Variants in ITGA5 observed in about 807,000 individuals in gnomAD.
ITGA5 encodes integrin alpha-5.
Under a neutral mutation model 146.3 loss-of-function variants are expected in ITGA5, and 55 were observed. The ratio of observed to expected loss-of-function variants is 0.38; its 90% CI spans 0.30 to 0.47. The LOEUF is 0.47. Ranked by LOEUF, ITGA5 falls within the 20% of genes least tolerant of loss-of-function variation. The pLI, the probability that ITGA5 is intolerant of heterozygous loss-of-function variation, is 0.99. For missense variants in ITGA5, 1,131 were observed against 1,329.0 expected (o/e 0.85, Z 2.32); for synonymous variants, 500 against 531.8 (o/e 0.94, Z 0.82).
rs762863757 is a variant in ITGA5 at position 54,405,257 on chromosome 12, C to A, written c.1134G>T (p.Thr378=). ...CATGGCCAGTGAGGGTAAGGGTGGG[C>A]GTGGGCTCTATGCCGGCTGGGTGCT... The part of the protein sequence containing the change: ...YLQHPAGIEP[T]PTLTLTGHDE... The change falls in exon 12 of 30, where the codon ACG becomes ACT. Residue 378 remains threonine (T), a synonymous_variant. Transcript: ENST00000293379. 10 of 1,613,912 alleles carry A rather than the reference C, an allele frequency of 6.2e-6. No homozygotes were observed. The highest frequency in any genetic ancestry group is 8.5e-6 in the Non-Finnish European group (10 of 1,179,920).
chr12:54,417,773 G>A (rs1388932383), intron 1 of ITGA5, among the ~76,000 whole-genome samples: 4 of 152,086 alleles, frequency 2.6e-5, no homozygotes, highest in African/African-American at 9.7e-5. Context: ...CAGAGATGTA[G>A]AAGAAAAAGG....
At chr12:54,400,729 C>T in intron 25 of ITGA5, 117 bp downstream of exon 25, 1 of 1,020,604 alleles carries the variant, frequency 9.8e-7, no homozygotes. Context: ...GACCCTCAAC[C>T]CTAGCTATAG....
rs1232293697 is a variant in ITGA5, at chr12:54,416,693, G to A, written c.218+2288C>T. Among the ~76,000 whole-genome samples the A allele has an allele frequency of 2.0e-5, 3 of 152,174 alleles. No individual in the cohort carries two copies. Among genetic ancestry groups the A allele is most frequent in the African/African-American group, 7.2e-5 (3 of 41,426 alleles). ...GTCCTCAGAACTCCGTTAGTCAGGT[G>A]TCTGATTTTCACGGGAAGACCAGGC... On this transcript the variant is annotated intron_variant, in intron 1 of 29. Transcript: ENST00000293379. This position sits in a 1 kb window ranked among gnomAD's most constrained non-coding sequence, Gnocchi z 4.1.
In ITGA5 at chr12:54,399,801, T is replaced by G. The variant is rs1421354762; in HGVS notation, c.2728-43A>C. On this transcript the variant is annotated intron_variant, in intron 26 of 29. Transcript: ENST00000293379. Reference sequence around the variant, plus strand: ...TGAACCTGGTGTTCTGCCCTTGTGATGGCCCTGAGAACCCCAGAGTACTCA... The same window carrying G: ...TGAACCTGGTGTTCTGCCCTTGTGAGGGCCCTGAGAACCCCAGAGTACTCA... 2.5e-6 allele frequency: 4 copies of G among 1,607,094 alleles called. No individual in the cohort carries two copies. The East Asian group carries it at 8.9e-5, about 36-fold the overall frequency.
At chr12:54,415,707 G>A (rs1040902751) in intron 1 of ITGA5, among the ~76,000 whole-genome samples, 11 of 152,190 alleles carry the variant, frequency 7.2e-5, no homozygotes, top group African/African-American at 2.4e-4. Context: ...CAAGGTCAGG[G>A]GTGGAGAGCA....
Position 54,401,099 on chromosome 12 carries a change from T to G in ITGA5, c.2494-104A>C. 2.5e-6 allele frequency: 3 copies of G among 1,198,696 alleles called. No individual in the cohort carries two copies. The highest frequency in any genetic ancestry group is 1.5e-5 in the South Asian group (1 of 67,884). The allele number at this position is 1,198,696 out of a possible 1,614,324, so 74.3% of individuals were successfully genotyped here. A position where few individuals can be genotyped will look rare whatever the true frequency, so the allele number is the denominator to read the frequency against. ...CCACTATACCCTGCTGTCAGGCTCC[T>G]ATCTCAGAGATGAAGCAGGGAAGCA... On this transcript the variant is annotated intron_variant, in intron 24 of 29. Coordinates refer to ENST00000293379, the MANE Select transcript of ITGA5 (RefSeq NM_002205.5). The surrounding 1 kb of genome is among the most constrained non-coding windows in gnomAD (Gnocchi z 5.0).
intron 13 of ITGA5, 104 bp from the exon 14 acceptor site, chr12:54,404,579 A>C: frequency 6.7e-7 from 1 of 1,502,170 alleles, no homozygotes; most frequent in South Asian, 1.1e-5. Context: ...AAGTGAGAAG[A>C]CAGCGCCCTC....
intron 2 of ITGA5, 54 bp downstream of exon 2, chr12:54,411,780 G>GC: frequency 1.0e-6 from 1 of 953,906 alleles, no homozygotes; most frequent in Non-Finnish European, 1.5e-6. Context: ...CCCAGGCCTT[G>GC]CCCCCAGGCT....
intron 26 of ITGA5, 27 bp downstream of exon 26, chr12:54,399,837 C>T (rs1955763857): frequency 6.2e-7 from 1 of 1,610,706 alleles, no homozygotes. Context: ...ACACTTTGGT[C>T]CACACCTCAT....
rs1955917765 is a variant in ITGA5 at position 54,409,785 on chromosome 12, A to C, written c.350-188T>G. On this transcript the variant is annotated intron_variant, in intron 2 of 29. Transcript: ENST00000293379. The surrounding 1 kb of genome is among the most constrained non-coding windows in gnomAD (Gnocchi z 4.7). ...GTAGTCTGTTTGTGTAGCCTGACTT[A>C]TCTCTCCACTACACACATACACATA... The C allele has an allele frequency of 5.2e-6, 3 of 578,040 alleles. No individual in the cohort carries two copies. The highest frequency in any genetic ancestry group is 2.9e-5 in the East Asian group (1 of 34,726). The allele number at this position is 578,040 out of a possible 1,614,324, so 35.8% of individuals were successfully genotyped here. A position where few individuals can be genotyped will look rare whatever the true frequency, so the allele number is the denominator to read the frequency against.
rs775088705 is a variant in ITGA5, at chr12:54,403,205, C to T, written c.1896G>A (p.Lys632=). The T allele has an allele frequency of 6.4e-7, 1 of 1,560,846 alleles. No individual in the cohort carries two copies. The highest frequency in any genetic ancestry group is 8.7e-7 in the Non-Finnish European group (1 of 1,155,072). ...TCCTCACCTTGTCCTCTATCCGGCTCTTGCTCTGATAATGTAGGGCTGGCC... is the reference window on the plus strand; with the variant it reads ...TCCTCACCTTGTCCTCTATCCGGCTTTTGCTCTGATAATGTAGGGCTGGCC... ...GLRPALHYQS[K]SRIEDKAQIL... Residue 632 remains lysine, a synonymous_variant, in exon 18 of 30, where the codon AAG becomes AAA. Coordinates refer to ENST00000293379, the MANE Select transcript of ITGA5 (RefSeq NM_002205.5). This position sits in a 1 kb window ranked among gnomAD's most constrained non-coding sequence, Gnocchi z 4.9.
chr12:54,408,210 C>A lies in ITGA5; in HGVS notation c.717G>T (p.Glu239Asp), dbSNP rs765273691. The A allele has an allele frequency of 2.5e-6, 4 of 1,614,108 alleles. No individual in the cohort carries two copies. The highest frequency in any genetic ancestry group is 2.5e-6 in the Non-Finnish European group (3 of 1,180,022). ...CGGGGTAATAAGATTCTGCAATCTG[C>A]TCCTGAGTGGCAGACAGGATCTGGC... ...WQGQILSATQ[E>D]QIAESYYPEY... Residue 239 changes from glutamate (E) to aspartate (D), a missense_variant, in exon 7 of 30, where the codon GAG becomes GAT. Physicochemically the swap from Glu to Asp is conservative, Grantham distance 45. This residue lies in a region of ITGA5 where 67 missense variants were observed against 128.2 expected (regional missense o/e 0.52). Coordinates refer to ENST00000293379, the MANE Select transcript of ITGA5 (RefSeq NM_002205.5).
chr12:54,405,599 C>T (rs1955855664), intron 11 of ITGA5, 65 bp downstream of exon 11: 2 of 1,412,648 alleles, frequency 1.4e-6, no homozygotes, highest in African/African-American at 1.4e-5. Context: ...ATTTTCTGTC[C>T]CATTCCCACT....
In ITGA5 at chr12:54,405,239, A is replaced by G; in HGVS notation, c.1152T>C (p.Thr384=). 6.2e-7 allele frequency: 1 copy of G among 1,613,588 alleles called. No homozygotes were observed. Among genetic ancestry groups the G allele is most frequent in the East Asian group, 2.2e-5 (1 of 44,870 alleles). The change falls in exon 12 of 30, where the codon ACT becomes ACC. Residue 384 remains threonine, a synonymous_variant. Coordinates refer to ENST00000293379, the MANE Select transcript of ITGA5 (RefSeq NM_002205.5). ...CAAATCGGCCAAACTCATCATGGCC[A>G]GTGAGGGTAAGGGTGGGCGTGGGCT... ...GIEPTPTLTL[T]GHDEFGRFGS... is the part of the protein sequence containing the mutation.
At chr12:54,413,081 G>A (rs1955967244) in intron 1 of ITGA5, 1 of 152,162 alleles carries the variant, frequency 6.6e-6, no homozygotes, top group Non-Finnish European at 1.5e-5. Flanking sequence ...CATCTCTATT[G>A]GTTTCTGTTC....
In ITGA5 at chr12:54,398,646, T is replaced by A; in HGVS notation, c.2894A>T (p.Lys965Met). 1.2e-6 allele frequency: 2 copies of A among 1,611,064 alleles called. No individual in the cohort carries two copies. Among genetic ancestry groups the A allele is most frequent in the South Asian group, 2.2e-5 (2 of 90,318 alleles). The change falls in exon 28 of 30, where the codon AAG becomes ATG. Residue 965 changes from lysine to methionine, a missense_variant. Physicochemically the swap from Lys to Met is moderately conservative, Grantham distance 95. Around this residue, in one of 3 missense-constraint regions of ITGA5, gnomAD observed 889 missense variants for 1,021.5 expected, o/e 0.87. Transcript: ENST00000293379. ...CCGAGGCAGGATTCGGTAGGGCATC[T>A]TCAGGGCTTTGTACACAGCCTCACA... ...LQCEAVYKALKMPYRILPRQL... is the reference protein window; with the variant it reads ...LQCEAVYKALMMPYRILPRQL...
intron 9 of ITGA5, chr12:54,407,305 G>A (rs1038433481): frequency 3.1e-6 from 1 of 318,250 alleles, no homozygotes; most frequent in Admixed American, 4.3e-5. Flanking sequence ...AAAAGCACTT[G>A]TCCTGGTCTA....
At position 54,409,494 on chromosome 12, in the gene ITGA5, G is replaced by A. The variant is rs1272547981; in HGVS notation, c.453C>T (p.Ser151=). 2 of 1,613,554 alleles carry A rather than the reference G, an allele frequency of 1.2e-6. No homozygotes were observed. The highest frequency in any genetic ancestry group is 1.7e-6 in the Non-Finnish European group (2 of 1,179,510). Residue 151 remains serine, a synonymous_variant, in exon 3 of 30, where the codon TCC becomes TCT. Transcript: ENST00000293379. The surrounding 1 kb of genome is among the most constrained non-coding windows in gnomAD (Gnocchi z 4.7). ...CTTGCTGGCCCCTCACCAAGATGGA[G>A]GAGCCATGGGCTCGAACTGTTGCCC... The part of the protein sequence containing the change: ...WFGATVRAHG[S]SILACAPLYS...
At position 54,395,446 on chromosome 12, in the gene ITGA5, C is replaced by T. The variant is rs1163365505; in HGVS notation, c.*847G>A. The T allele has an allele frequency of 1.3e-5, 2 of 152,690 alleles. No individual in the cohort carries two copies. The highest frequency in any genetic ancestry group is 1.3e-4 in the Admixed American group (2 of 15,280). The allele number at this position is 152,690 out of a possible 1,614,324, so 9.5% of individuals were successfully genotyped here. A position where few individuals can be genotyped will look rare whatever the true frequency, so the allele number is the denominator to read the frequency against. On this transcript the variant is annotated 3_prime_UTR_variant, in exon 30 of 30. Coordinates refer to ENST00000293379, the MANE Select transcript of ITGA5 (RefSeq NM_002205.5). Reference sequence around the variant, plus strand: ...CCCAGGACAGTGGGCTCCCCTTTCTCTGGGGAACAGGGAGGGCCTGTGTCT... The same window carrying T: ...CCCAGGACAGTGGGCTCCCCTTTCTTTGGGGAACAGGGAGGGCCTGTGTCT...
Sources: gnomAD v4.1 joint callset for allele counts (sites outside exome capture counted in the v4.1 genomes callset) on GRCh38, gnomAD v4.1.1 for gene constraint, gnomAD v4.1.1 regional missense constraint, Gnocchi (gnomAD v3.1) non-coding constraint, MANE v1.5 for transcripts, NCBI Gene and HGNC (gene_info 2026-07-23, HGNC 2026-07-21) for gene names.